The following HUNK variants were observed in gnomAD, a reference collection of about 807,000 sequenced individuals.
HUNK encodes the protein hormonally up-regulated neu tumor-associated kinase.
A neutral mutation model predicts 61.0 loss-of-function variants in HUNK; 21 were observed. The ratio of observed to expected loss-of-function variants is 0.34; its 90% CI spans 0.24 to 0.50. The LOEUF (loss-of-function observed/expected upper bound fraction) is 0.50, where lower values mean the gene tolerates loss of function less well. Ranked by LOEUF, HUNK falls within the 20% of genes least tolerant of loss-of-function variation. The pLI is 0.98. For missense variants in HUNK, 772 were observed against 945.7 expected, an observed-to-expected ratio of 0.82 and a Z score of 2.41; for synonymous variants, 371 against 386.1, an observed-to-expected ratio of 0.96 and a Z score of 0.46.
rs146694240 is a variant in HUNK at position 31,923,470 on chromosome 21, GAAGA to G, written c.262-990_262-987del. 9.5e-3 allele frequency among the ~76,000 whole-genome samples: 1,388 copies of G among 146,112 alleles called. 23 individuals carry two copies. The highest frequency in any genetic ancestry group is 0.034 in the African/African-American group (1,332 of 39,508). On this transcript the variant is annotated intron_variant, in intron 1 of 10. Coordinates refer to ENST00000270112, the MANE Select transcript of HUNK (RefSeq NM_014586.2). The stretch of plus-strand genomic sequence containing the variant: ...GAAAGAGAAAAAGAGAGAGATAGAA[GAAGA>G]AAGAAAGGAAGGAAGGAAAGAGGAA...
chr21:31,949,936 A>G (rs534767521), intron 4 of HUNK, among the ~76,000 whole-genome samples: 1 of 152,266 alleles, frequency 6.6e-6, no homozygotes, highest in South Asian at 2.1e-4. Flanking sequence ...CCTTCAAGGT[A>G]GTGCTGTATT....
intron 1 of HUNK, among the ~76,000 whole-genome samples, chr21:31,902,428 T>C (rs2052474968): frequency 6.6e-6 from 1 of 152,088 alleles, no homozygotes; most frequent in Admixed American, 6.5e-5. Flanking sequence ...GAGAATCACT[T>C]GAACCTGGGA....
intron 9 of HUNK, among the ~76,000 whole-genome samples, chr21:31,991,986 G>T (rs560935251): frequency 6.6e-6 from 1 of 152,230 alleles, no homozygotes; most frequent in Non-Finnish European, 1.5e-5. Flanking sequence ...TTGGTTACAC[G>T]TGGGAAAACA....
chr21:31,903,445 G>T (rs550962622), intron 1 of HUNK, among the ~76,000 whole-genome samples: 10 of 151,708 alleles, frequency 6.6e-5, no homozygotes, highest in South Asian at 2.1e-4. Context: ...AAAAATGTTC[G>T]CTAGGTACTA....
chr21:31,884,237 C>T (rs573844680), intron 1 of HUNK, among the ~76,000 whole-genome samples: 3 of 152,158 alleles, frequency 2.0e-5, no homozygotes, highest in Admixed American at 1.3e-4. Context: ...GAGATCTACC[C>T]TCATGAATGG....
chr21:31,898,768 G>A (rs2052443215), intron 1 of HUNK, among the ~76,000 whole-genome samples: 1 of 152,146 alleles, frequency 6.6e-6, no homozygotes, highest in Non-Finnish European at 1.5e-5. Context: ...GATGATTAAT[G>A]TCAGGCCAGC....
At chr21:31,952,872 C>T (rs1257408799) in intron 4 of HUNK, among the ~76,000 whole-genome samples, 3 of 151,954 alleles carry the variant, frequency 2.0e-5, no homozygotes, top group Non-Finnish European at 4.4e-5. Flanking sequence ...TTGATTGTTG[C>T]CCTCTCTTGT....
At chr21:31,891,211 T>C (rs34108751) in intron 1 of HUNK, among the ~76,000 whole-genome samples, 29,481 of 152,134 alleles carry the variant, frequency 0.19, 3,504 homozygotes, top group Middle Eastern at 0.28. Context: ...ACCCTGTCTC[T>C]ACTAAAAATA....
intron 1 of HUNK, among the ~76,000 whole-genome samples, chr21:31,885,422 C>T (rs1236637681): frequency 1.3e-5 from 2 of 152,202 alleles, no homozygotes; most frequent in Admixed American, 6.5e-5. Context: ...TCTCTGAATG[C>T]CCTGTCCCCT....
intron 1 of HUNK, among the ~76,000 whole-genome samples, chr21:31,913,120 A>C (rs944049850): frequency 2.0e-5 from 3 of 152,076 alleles, no homozygotes; most frequent in African/African-American, 7.2e-5. Flanking sequence ...GAGGTCAGAC[A>C]CCATTCCTAC....
chr21:31,887,971 A>C (rs1601359656), intron 1 of HUNK, among the ~76,000 whole-genome samples: 1 of 152,050 alleles, frequency 6.6e-6, no homozygotes, highest in East Asian at 1.9e-4. Context: ...AATAATGAAC[A>C]TTTGTGGATC....
chr21:31,953,556 A>G (rs531285710), intron 4 of HUNK, among the ~76,000 whole-genome samples: 4 of 152,344 alleles, frequency 2.6e-5, no homozygotes, highest in Admixed American at 2.6e-4. Context: ...TTATTTGGCA[A>G]TACAGTACAA....
At chr21:31,987,616 A>G (rs965827621) in intron 8 of HUNK, among the ~76,000 whole-genome samples, 2 of 152,360 alleles carry the variant, frequency 1.3e-5, no homozygotes, top group Non-Finnish European at 2.9e-5. Context: ...GAAATATTTA[A>G]TGGTTAGGAT....
chr21:31,945,643 G>A (rs1382745290), intron 3 of HUNK, among the ~76,000 whole-genome samples: 2 of 152,120 alleles, frequency 1.3e-5, no homozygotes, highest in South Asian at 2.1e-4. Flanking sequence ...TCCCCACTTG[G>A]CAGCTTGGGA....
At chr21:31,921,481 T>G (rs2052622346) in intron 1 of HUNK, among the ~76,000 whole-genome samples, 1 of 150,292 alleles carries the variant, frequency 6.7e-6, no homozygotes, top group Non-Finnish European at 1.5e-5. Flanking sequence ...ACCTGGAGAG[T>G]GATAGAATGC....
chr21:31,916,515 A>G (rs1224012521), intron 1 of HUNK, among the ~76,000 whole-genome samples: 4 of 152,068 alleles, frequency 2.6e-5, no homozygotes, highest in African/African-American at 4.8e-5. Flanking sequence ...GCCGTCAAGC[A>G]TGGATTCCTC....
At chr21:31,926,543 C>G (rs1265532080) in intron 2 of HUNK, among the ~76,000 whole-genome samples, 1 of 152,150 alleles carries the variant, frequency 6.6e-6, no homozygotes, top group African/African-American at 2.4e-5. Flanking sequence ...AATTTACTTT[C>G]CGTGTCTATG....
At chr21:31,920,776 C>T (rs1035058298) in intron 1 of HUNK, among the ~76,000 whole-genome samples, 1 of 152,168 alleles carries the variant, frequency 6.6e-6, no homozygotes, top group Non-Finnish European at 1.5e-5. Context: ...AGGGGCTCTT[C>T]TAGCCTGTCT....
chr21:31,959,025 G>A (rs2052909850), intron 5 of HUNK, 55 bp downstream of exon 5: 13 of 1,461,426 alleles, frequency 8.9e-6, no homozygotes, highest in South Asian at 2.9e-5. Flanking sequence ...TGACCAGTTC[G>A]GGTCTACCTG....
Sources: gnomAD v4.1 joint callset for allele counts (sites outside exome capture counted in the v4.1 genomes callset) on GRCh38, gnomAD v4.1.1 for gene constraint, MANE v1.5 for transcripts, NCBI Gene and HGNC (gene_info 2026-07-23, HGNC 2026-07-21) for gene names.